The following MTARC1 variants were observed in gnomAD, a reference collection of about 807,000 sequenced individuals.
MTARC1 encodes mitochondrial amidoxime-reducing component 1.
A neutral mutation model predicts 33.6 loss-of-function variants in MTARC1; 24 were observed. The ratio of observed to expected loss-of-function variants is 0.72; its 90% CI spans 0.52 to 1.01. The LOEUF (loss-of-function observed/expected upper bound fraction) is 1.01, where lower values mean the gene tolerates loss of function less well. MTARC1 is among the 50% of genes least tolerant of loss of function. The pLI is 0.00. For missense variants in MTARC1, 417 were observed against 445.7 expected (o/e 0.94, Z 0.58); for synonymous variants, 187 against 189.5 (o/e 0.99, Z 0.11).
In MTARC1 at chr1:220,819,204, T is replaced by C. The variant is rs1673337187; in HGVS notation, c.*5786T>C. On this transcript the variant is annotated 3_prime_UTR_variant, in exon 7 of 7. Coordinates refer to ENST00000366910, the MANE Select transcript of MTARC1 (RefSeq NM_022746.4). ...ACTTTAGGAACGTTTTTACCCTTTATGTTGACCTGACATCATAGTTTATAT... is the reference window on the plus strand; with the variant it reads ...ACTTTAGGAACGTTTTTACCCTTTACGTTGACCTGACATCATAGTTTATAT... 1 of 152,246 alleles carries C rather than the reference T, an allele frequency of 6.6e-6. No homozygotes were observed. Among genetic ancestry groups the C allele is most frequent in the South Asian group, 2.1e-4 (1 of 4,836 alleles). The allele number at this position is 152,246 out of a possible 1,614,324, so 9.4% of individuals were successfully genotyped here.
At chr1:220,806,194 G>C (rs1405126842) in intron 6 of MTARC1, among the ~76,000 whole-genome samples, 1 of 152,160 alleles carries the variant, frequency 6.6e-6, no homozygotes, top group Admixed American at 6.5e-5. Flanking sequence ...CCAAATTTGG[G>C]ACCCAGGAAA....
intron 5 of MTARC1, 39 bp downstream of exon 5, chr1:220,805,152 A>T (rs1672933115): frequency 1.2e-6 from 2 of 1,613,762 alleles, no homozygotes; most frequent in African/African-American, 2.7e-5. Flanking sequence ...GGAGGTGGGG[A>T]TAAGTTCGCT....
chr1:220,805,197 G>T lies in MTARC1; in HGVS notation c.816-6G>T. 1 of 1,614,076 alleles carries T rather than the reference G, an allele frequency of 6.2e-7. No homozygotes were observed. ...CCCCCTTATGATGCTCTGTGTGTGTGTCCAGATGCATTTTAACCACAGTGG... is the reference window on the plus strand; with the variant it reads ...CCCCCTTATGATGCTCTGTGTGTGTTTCCAGATGCATTTTAACCACAGTGG... On this transcript the variant is annotated splice_region_variant and splice_polypyrimidine_tract_variant and intron_variant, in intron 5 of 6. Transcript: ENST00000366910.
chr1:220,810,294 G>A (rs72472353), intron 6 of MTARC1, among the ~76,000 whole-genome samples: 2,540 of 152,280 alleles, frequency 0.017, 78 homozygotes, highest in African/African-American at 0.057. Flanking sequence ...TAGACTGCTT[G>A]CAATACCTCT....
Position 220,787,011 on chromosome 1 carries a change from C to G in MTARC1, c.67C>G (p.Leu23Val). The G allele has an allele frequency of 7.6e-7, 1 of 1,308,608 alleles. No homozygotes were observed. The allele number at this position is 1,308,608 out of a possible 1,614,324, so 81.1% of individuals were successfully genotyped here. The change falls in exon 1 of 7, where the codon CTC (leucine) becomes GTC (valine). Residue 23 changes from leucine (L) to valine (V), a missense_variant. Transcript: ENST00000366910. The part of the protein sequence containing the change: ...VLLAQSRPGW[L>V]GVAALGLTAV... ...CCTCGCGCAATCCCGGCCCGGGTGGCTCGGGGTTGCCGCGCTGGGCCTGAC... is the reference window on the plus strand; with the variant it reads ...CCTCGCGCAATCCCGGCCCGGGTGGGTCGGGGTTGCCGCGCTGGGCCTGAC...
At chr1:220,806,260 A>G (rs72472343) in intron 6 of MTARC1, among the ~76,000 whole-genome samples, 1 of 152,320 alleles carries the variant, frequency 6.6e-6, no homozygotes, top group East Asian at 1.9e-4. Flanking sequence ...TCCCTTTGAC[A>G]TTGAATGCTG....
Position 220,789,030 on chromosome 1 carries a change from A to T in MTARC1, c.275+1811A>T, listed in dbSNP as rs558949588. 2.7e-5 allele frequency among the ~76,000 whole-genome samples: 4 copies of T among 149,344 alleles called. No homozygotes were observed. The East Asian group carries it at 8.3e-4, about 31-fold the overall frequency. ...GAAAGTGTGATCAAAAGAAGCCAAC[A>T]CTGGCTTACAGTCCTAGGTTGTGAC... is the stretch of plus-strand genomic sequence containing the variant. On this transcript the variant is annotated intron_variant, in intron 1 of 6. Transcript: ENST00000366910.
intron 4 of MTARC1, chr1:220,798,376 C>T (rs962893731): frequency 5.9e-6 from 7 of 1,193,188 alleles, no homozygotes; most frequent in African/African-American, 1.6e-5. Flanking sequence ...GATGGTCTTA[C>T]TGTTTAGTAG....
At position 220,811,045 on chromosome 1, in the gene MTARC1, C is replaced by A. The variant is rs1673117570; in HGVS notation, c.888-2247C>A. Among the ~76,000 whole-genome samples the A allele has an allele frequency of 2.0e-5, 3 of 152,346 alleles. No homozygotes were observed. In the South Asian group the frequency reaches 6.2e-4, roughly 32 times the overall value. On this transcript the variant is annotated intron_variant, in intron 6 of 6. Transcript: ENST00000366910. ...TGCGCAGAACTCCAACTCTCAATTT[C>A]TCCCCAAGATAATGAGAGTCTGGAC...
chr1:220,791,589 C>A lies in MTARC1; in HGVS notation c.374C>A (p.Thr125Asn). The change falls in exon 2 of 7, where the codon ACT (threonine) becomes AAT (asparagine). Residue 125 changes from threonine to asparagine, a missense_variant. Thr to Asn is a moderately conservative substitution (Grantham distance 65, BLOSUM62 0). Transcript: ENST00000366910. ...ISLTCDGDTL[T>N]LSAAYTKDLL... ...CTGACCTGCGATGGTGACACCCTGA[C>A]TCTCAGTGCAGCCTACACAAAGGAC... is the stretch of plus-strand genomic sequence containing the variant. 1 of 1,614,200 alleles carries A rather than the reference C, an allele frequency of 6.2e-7. No homozygotes were observed. Among genetic ancestry groups the A allele is most frequent in the South Asian group, 1.1e-5 (1 of 91,084 alleles).
At chr1:220,798,628 A>G (rs1672694224) in intron 4 of MTARC1, 1 of 960,430 alleles carries the variant, frequency 1.0e-6, no homozygotes, top group African/African-American at 1.8e-5. Context: ...ATTTAACTTG[A>G]TTCTCTCCCT....
rs914431224 is a variant in MTARC1 at position 220,799,280 on chromosome 1, C to T, written c.753+1266C>T. On this transcript the variant is annotated intron_variant, in intron 4 of 6. Transcript: ENST00000366910. ...TGGTGGAGAACTTCCTAGTGTGAGG[C>T]GGGTGGACTGTGTGCATGTCCCCCA... is the stretch of plus-strand genomic sequence containing the variant. The T allele has an allele frequency of 1.9e-4, 129 of 692,250 alleles. 1 individual carries two copies. The African/African-American group carries it at 2.2e-3, about 12-fold the overall frequency. The allele number at this position is 692,250 out of a possible 1,614,324, so 42.9% of individuals were successfully genotyped here. A position where few individuals can be genotyped will look rare whatever the true frequency, so the allele number is the denominator to read the frequency against.
Position 220,817,932 on chromosome 1 carries a change from C to T in MTARC1, c.*4514C>T, listed in dbSNP as rs1181150384. 2 of 152,248 alleles carry T rather than the reference C, an allele frequency of 1.3e-5. No individual in the cohort carries two copies. Among genetic ancestry groups the T allele is most frequent in the Non-Finnish European group, 2.9e-5 (2 of 68,106 alleles). The allele number at this position is 152,248 out of a possible 1,614,324, so 9.4% of individuals were successfully genotyped here. On this transcript the variant is annotated 3_prime_UTR_variant, in exon 7 of 7. Coordinates refer to ENST00000366910, the MANE Select transcript of MTARC1 (RefSeq NM_022746.4). ...TCCTCTCAACTAGTGTTGCCTTCCA[C>T]CCTACAAAGCAGAATTACCTCAGAA... is the stretch of plus-strand genomic sequence containing the variant.
intron 3 of MTARC1, among the ~76,000 whole-genome samples, chr1:220,797,258 C>G (rs1274968005): frequency 1.3e-5 from 2 of 152,018 alleles, no homozygotes; most frequent in Admixed American, 6.6e-5. Context: ...GTTTGTAGTA[C>G]CATATACTGC....
At chr1:220,793,135 A>T (rs982332184) in intron 2 of MTARC1, 13 of 152,346 alleles carry the variant, frequency 8.5e-5, no homozygotes, top group African/African-American at 3.1e-4. Context: ...ATGTTAAAAA[A>T]CATTTTGCCA....
At chr1:220,794,530 G>A (rs891340570) in intron 2 of MTARC1, among the ~76,000 whole-genome samples, 10 of 142,336 alleles carry the variant, frequency 7.0e-5, no homozygotes, top group Non-Finnish European at 1.1e-4. Context: ...ATAAGAAAAC[G>A]ATAGGATCTT....
In MTARC1 at chr1:220,791,534, C is replaced by A. The variant is rs780284653; in HGVS notation, c.319C>A (p.Arg107Ser). Residue 107 changes from arginine (R) to serine (S), a missense_variant, in exon 2 of 7, where the codon CGC becomes AGC. By Grantham distance (110) the Arg-to-Ser change is moderately radical. Coordinates refer to ENST00000366910, the MANE Select transcript of MTARC1 (RefSeq NM_022746.4). ...CCAGGAGGGAAACATGGTTACTGCT[C>A]GCCAGGAACCTCGCCTGGTCCTGAT... ...INQEGNMVTARQEPRLVLISL... is the reference protein window; with the variant it reads ...INQEGNMVTASQEPRLVLISL... 2 of 1,614,124 alleles carry A rather than the reference C, an allele frequency of 1.2e-6. No individual in the cohort carries two copies. Among genetic ancestry groups the A allele is most frequent in the South Asian group, 2.2e-5 (2 of 91,068 alleles).
rs72470600 is a variant in MTARC1 at position 220,797,921 on chromosome 1, G to A, written c.660G>A (p.Ser220=). The change falls in exon 4 of 7, where the codon TCG becomes TCA. Residue 220 remains serine, a synonymous_variant. Coordinates refer to ENST00000366910, the MANE Select transcript of MTARC1 (RefSeq NM_022746.4). ...CATTCTTGATCCTTTCTGAGGCGTC[G>A]CTGGCGGATCTCAACTCCAGGCTAG... is the stretch of plus-strand genomic sequence containing the variant. ...TSPFLILSEA[S]LADLNSRLEK... is the part of the protein sequence containing the mutation. The A allele has an allele frequency of 2.6e-3, 4,215 of 1,614,138 alleles. 90 individuals carry two copies. In the East Asian group the frequency reaches 0.057, roughly 22 times the overall value.
At chr1:220,806,611 C>T (rs1317492365) in intron 6 of MTARC1, among the ~76,000 whole-genome samples, 4 of 152,178 alleles carry the variant, frequency 2.6e-5, no homozygotes, top group Non-Finnish European at 5.9e-5. Flanking sequence ...GATCAACAAC[C>T]AATCCCTCCC....
Sources: gnomAD v4.1 joint callset for allele counts (sites outside exome capture counted in the v4.1 genomes callset) on GRCh38, gnomAD v4.1.1 for gene constraint, MANE v1.5 for transcripts, NCBI Gene and HGNC (gene_info 2026-07-23, HGNC 2026-07-21) for gene names.